Variants in RIC8B observed in about 807,000 individuals in gnomAD.
The protein encoded by RIC8B is RIC8 guanine nucleotide exchange factor B, also known as chaperone Ric-8B.
In RIC8B, 16 loss-of-function variants were observed where a neutral mutation model predicts 57.5. The observed-to-expected ratio is 0.28, with a 90% CI of 0.19 to 0.42. The LOEUF (loss-of-function observed/expected upper bound fraction) is 0.42. RIC8B is among the 10% of genes least tolerant of loss of function. The pLI is 1.00. For synonymous variants in RIC8B, 216 were observed against 250.8 expected (o/e 0.86, Z 1.31); for missense variants, 481 against 677.0 (o/e 0.71, Z 3.21).
intron 4 of RIC8B, among the ~76,000 whole-genome samples, chr12:106,827,029 T>C (rs1428431729): frequency 6.6e-6 from 1 of 152,092 alleles, no homozygotes; most frequent in Non-Finnish European, 1.5e-5. Flanking sequence ...GAGCCGAAAT[T>C]CCGCCACTGT....
At chr12:106,873,116 C>T (rs1350521786) in intron 9 of RIC8B, 1 of 985,274 alleles carries the variant, frequency 1.0e-6, no homozygotes, top group East Asian at 1.1e-4. Context: ...CTGATTTAAA[C>T]TATGCCTCAA....
chr12:106,831,688 G>A (rs1344022905), intron 4 of RIC8B, among the ~76,000 whole-genome samples: 1 of 152,194 alleles, frequency 6.6e-6, no homozygotes. Flanking sequence ...ATGCTATCAT[G>A]CTAAAGTGTC....
intron 8 of RIC8B, chr12:106,868,226 C>G (rs1593361777): frequency 4.5e-6 from 2 of 449,284 alleles, no homozygotes; most frequent in East Asian, 1.4e-4. Flanking sequence ...ATTTTTTTCC[C>G]TGAAGCATGT....
At chr12:106,851,428 GT>G in intron 6 of RIC8B, 21 bp from the exon 7 acceptor site, 1 of 1,603,780 alleles carries the variant, frequency 6.2e-7, no homozygotes, top group South Asian at 1.1e-5. Context: ...ATTGATGATG[GT>G]TTTTGCATTT....
chr12:106,874,887 C>T (rs1011056456), intron 9 of RIC8B, among the ~76,000 whole-genome samples: 1 of 151,906 alleles, frequency 6.6e-6, no homozygotes, highest in Admixed American at 6.6e-5. Flanking sequence ...TGGCAGTGCA[C>T]CTGGAGGTCT....
At chr12:106,833,290 A>G (rs2046439110) in intron 4 of RIC8B, among the ~76,000 whole-genome samples, 1 of 152,220 alleles carries the variant, frequency 6.6e-6, no homozygotes, top group South Asian at 2.1e-4. Flanking sequence ...GATTTTTAAA[A>G]TTAACCTGCC....
chr12:106,877,871 G>A (rs753645749), intron 9 of RIC8B, among the ~76,000 whole-genome samples: 2 of 152,024 alleles, frequency 1.3e-5, no homozygotes, highest in Non-Finnish European at 2.9e-5. Context: ...TTTATGTGAC[G>A]CAAGACAATT....
chr12:106,817,320 G>C (rs926201858), intron 3 of RIC8B, among the ~76,000 whole-genome samples: 2 of 152,302 alleles, frequency 1.3e-5, no homozygotes, highest in South Asian at 4.1e-4. Flanking sequence ...TGCTAGGAGA[G>C]AAAGAGCGCA....
At chr12:106,872,696 CA>C (rs1203089388) in intron 9 of RIC8B, among the ~76,000 whole-genome samples, 1 of 145,206 alleles carries the variant, frequency 6.9e-6, no homozygotes, top group Non-Finnish European at 1.5e-5. Context: ...ACAAACCCGA[CA>C]GAGTCCATCT....
intron 2 of RIC8B, among the ~76,000 whole-genome samples, chr12:106,788,112 A>G (rs1046196946): frequency 2.0e-5 from 3 of 152,088 alleles, no homozygotes; most frequent in African/African-American, 7.2e-5. Flanking sequence ...GACCAAAACA[A>G]AGGGGTTACA....
chr12:106,860,570 A>G (rs1440820067), intron 8 of RIC8B, among the ~76,000 whole-genome samples, 158 bp downstream of exon 8: 4 of 152,146 alleles, frequency 2.6e-5, no homozygotes, highest in Non-Finnish European at 4.4e-5. Context: ...AGTGCTTTAG[A>G]GAGTGACTTC....
In RIC8B at chr12:106,879,223, G is replaced by GA; in HGVS notation, c.1572-6679dup. 2 of 985,756 alleles carry GA rather than the reference G, an allele frequency of 2.0e-6. No individual in the cohort carries two copies. The highest frequency in any genetic ancestry group is 2.4e-6 in the Non-Finnish European group (2 of 829,852). 61.1% of individuals were successfully genotyped at this position (985,756 alleles called of 1,614,324 possible). A position where few individuals can be genotyped will look rare whatever the true frequency, so the allele number is the denominator to read the frequency against. On this transcript the variant is annotated intron_variant, in intron 9 of 9. Coordinates refer to ENST00000392837, the MANE Select transcript of RIC8B (RefSeq NM_001330145.2). The surrounding 1 kb of genome is among the most constrained non-coding windows in gnomAD (Gnocchi z 4.9). ...GTCCTGTTTTTCAACAAGTACACTT[G>GA]AATTGAATGTTTTGTTTGTATTGCA...
At chr12:106,789,688 C>T (rs1372871988) in intron 2 of RIC8B, among the ~76,000 whole-genome samples, 1 of 152,146 alleles carries the variant, frequency 6.6e-6, no homozygotes, top group African/African-American at 2.4e-5. Context: ...CCTCCCACAA[C>T]ATACGGGAAT....
At chr12:106,806,038 C>T (rs1227516062) in intron 2 of RIC8B, among the ~76,000 whole-genome samples, 1 of 152,162 alleles carries the variant, frequency 6.6e-6, no homozygotes, top group East Asian at 1.9e-4. Flanking sequence ...CAAACTCCAC[C>T]TCCCGGGTTC....
chr12:106,836,563 TCACA>T lies in RIC8B; in HGVS notation c.837-6024_837-6021del, dbSNP rs765923349. On this transcript the variant is annotated intron_variant, in intron 4 of 9. Transcript: ENST00000392837. ...GCTAAGGCTAGAACTTTAGATTCTCTCACACTCCACACTAGCCTGTCAGGAAATC... is the reference window on the plus strand; with the variant it reads ...GCTAAGGCTAGAACTTTAGATTCTCTCTCCACACTAGCCTGTCAGGAAATC... Among the ~76,000 whole-genome samples, 11 of 152,352 alleles carry T rather than the reference TCACA, an allele frequency of 7.2e-5. No individual in the cohort carries two copies. The East Asian group carries it at 1.7e-3, about 24-fold the overall frequency.
Position 106,886,252 on chromosome 12 carries a change from TC to T in RIC8B, c.*239del. The T allele has an allele frequency of 4.6e-6, 2 of 431,288 alleles. No homozygotes were observed. Among genetic ancestry groups the T allele is most frequent in the Non-Finnish European group, 8.2e-6 (2 of 242,442 alleles). The allele number at this position is 431,288 out of a possible 1,614,324, so 26.7% of individuals were successfully genotyped here. ...CGGGGGCTAAAAGCAGAAAAAAAAT[TC>T]CATTTCATCGGGATGGAACTGAAGG... On this transcript the variant is annotated 3_prime_UTR_variant, in exon 10 of 10. Transcript: ENST00000392837.
intron 8 of RIC8B, among the ~76,000 whole-genome samples, chr12:106,869,499 C>T (rs1950299394): frequency 6.6e-6 from 1 of 151,804 alleles, no homozygotes; most frequent in Admixed American, 6.6e-5. Context: ...ATCTCAATCT[C>T]CCAACACTCC....
At chr12:106,799,868 C>A (rs983537844) in intron 2 of RIC8B, among the ~76,000 whole-genome samples, 1 of 152,108 alleles carries the variant, frequency 6.6e-6, no homozygotes, top group Non-Finnish European at 1.5e-5. Flanking sequence ...TCTTAGTCTG[C>A]TTGAGCTGTC....
intron 6 of RIC8B, among the ~76,000 whole-genome samples, chr12:106,848,892 A>G (rs1294727346): frequency 7.9e-5 from 12 of 152,124 alleles, no homozygotes; most frequent in Admixed American, 6.5e-5. Context: ...AATTTCAATA[A>G]TGTAAAATTA....
Sources: allele counts gnomAD v4.1 joint callset (sites outside exome capture counted in the v4.1 genomes callset), GRCh38; gene constraint gnomAD v4.1.1; non-coding constraint Gnocchi (gnomAD v3.1); transcripts MANE v1.5; gene names NCBI Gene and HGNC (gene_info 2026-07-23, HGNC 2026-07-21).